Variants in VPS8 observed in about 807,000 individuals in gnomAD.
The protein encoded by VPS8 is vacuolar protein sorting-associated protein 8 homolog.
Under a neutral mutation model 216.4 loss-of-function variants are expected in VPS8, and 129 were observed. That is an observed-to-expected ratio of 0.60 (90% confidence interval 0.52 to 0.69). VPS8 has a LOEUF of 0.69. Among genes scored for constraint, VPS8 ranks in the 30% least tolerant of loss-of-function variants. The pLI, the probability that VPS8 is intolerant of heterozygous loss-of-function variation, is 0.00. For missense variants in VPS8, 1,531 were observed against 1,683.5 expected, an observed-to-expected ratio of 0.91 and a Z score of 1.59; for synonymous variants, 571 against 565.4, an observed-to-expected ratio of 1.01 and a Z score of -0.14.
At chr3:185,024,188 A>C in intron 45 of VPS8, 148 bp from the exon 46 acceptor site, 1 of 727,456 alleles carries the variant, frequency 1.4e-6, no homozygotes, top group Non-Finnish European at 2.1e-6. Flanking sequence ...AGGGGACTTA[A>C]CACAAAATCT....
chr3:185,014,299 C>T (rs1316774883), intron 45 of VPS8, among the ~76,000 whole-genome samples: 2 of 152,056 alleles, frequency 1.3e-5, no homozygotes, highest in African/African-American at 2.4e-5. Flanking sequence ...TGGCTGTGTT[C>T]GACGGGTGTT....
chr3:185,051,743 A>G lies in VPS8; in HGVS notation c.4138-133A>G, dbSNP rs1336851355. ...CTGCTCGTTTGTGATATATGGACCT[A>G]AGATTCAAACCCTGCATGTTACTAC... is the stretch of plus-strand genomic sequence containing the variant. On this transcript the variant is annotated intron_variant, in intron 47 of 47. Coordinates refer to ENST00000625842, the MANE Select transcript of VPS8 (RefSeq NM_001009921.3). 3 of 1,137,750 alleles carry G rather than the reference A, an allele frequency of 2.6e-6. No homozygotes were observed. In the African/African-American group the frequency reaches 4.8e-5, roughly 18 times the overall value. 70.5% of individuals were successfully genotyped at this position (1,137,750 alleles called of 1,614,324 possible).
intron 10 of VPS8, among the ~76,000 whole-genome samples, chr3:184,852,196 T>C (rs1577899734): frequency 6.6e-6 from 1 of 152,294 alleles, no homozygotes; most frequent in African/African-American, 2.4e-5. Flanking sequence ...CAAAAAGTTA[T>C]TGTAAGAACC....
intron 3 of VPS8, among the ~76,000 whole-genome samples, chr3:184,827,051 A>G (rs752547551): frequency 1.3e-5 from 2 of 152,214 alleles, no homozygotes; most frequent in African/African-American, 2.4e-5. Flanking sequence ...AATTTGAGAA[A>G]GATCTTGCAA....
chr3:185,014,599 T>G (rs981265398), intron 45 of VPS8, among the ~76,000 whole-genome samples: 2 of 152,262 alleles, frequency 1.3e-5, no homozygotes, highest in Non-Finnish European at 2.9e-5. Flanking sequence ...GCTGTTCAGC[T>G]GCTGATAGCA....
At chr3:184,913,893 G>A (rs1363933635) in intron 26 of VPS8, among the ~76,000 whole-genome samples, 1 of 152,218 alleles carries the variant, frequency 6.6e-6, no homozygotes, top group Non-Finnish European at 1.5e-5. Flanking sequence ...CAGTAGGGCT[G>A]AGGTTGAGAA....
intron 37 of VPS8, among the ~76,000 whole-genome samples, chr3:184,961,198 CTT>C (rs919863794): frequency 4.8e-4 from 73 of 152,134 alleles, no homozygotes; most frequent in African/African-American, 1.3e-3. Flanking sequence ...CTTATTTTCT[CTT>C]GTTTCTAAAT....
chr3:184,976,667 A>G (rs1749317294), intron 40 of VPS8, among the ~76,000 whole-genome samples: 1 of 151,894 alleles, frequency 6.6e-6, no homozygotes, highest in African/African-American at 2.4e-5. Flanking sequence ...CATTTTTATG[A>G]CCATATGCCC....
chr3:185,039,528 G>GGT (rs1553913169), intron 46 of VPS8, among the ~76,000 whole-genome samples: 2 of 146,876 alleles, frequency 1.4e-5, no homozygotes, highest in African/African-American at 5.0e-5. Context: ...ACACTGTGGG[G>GGT]TTTTTTTTTT....
chr3:184,863,287 G>A (rs1469688057), intron 16 of VPS8, among the ~76,000 whole-genome samples: 4 of 152,080 alleles, frequency 2.6e-5, no homozygotes, highest in Non-Finnish European at 5.9e-5. Context: ...TCAGAAATGT[G>A]ACTTATTTTA....
At chr3:184,977,649 AG>A (rs1247725736) in intron 40 of VPS8, among the ~76,000 whole-genome samples, 3 of 151,292 alleles carry the variant, frequency 2.0e-5, no homozygotes, top group African/African-American at 7.3e-5. Flanking sequence ...ATAGTTCCCT[AG>A]TTTCATTCTT....
chr3:185,004,533 CTTT>C (rs61115578), intron 45 of VPS8, among the ~76,000 whole-genome samples: 134,873 of 151,932 alleles, frequency 0.89, 61,276 homozygotes, highest in Non-Finnish European at 0.98. Context: ...AGGGAGAGCT[CTTT>C]TTTATTTTTT....
chr3:184,882,426 G>C (rs111765540), intron 21 of VPS8: 22 of 452,352 alleles, frequency 4.9e-5, no homozygotes, highest in African/African-American at 3.6e-4. Context: ...ACCTCACTTG[G>C]TCATGAGGTA....
chr3:185,001,514 G>T (rs544330652), intron 45 of VPS8, among the ~76,000 whole-genome samples: 1 of 152,182 alleles, frequency 6.6e-6, no homozygotes, highest in African/African-American at 2.4e-5. Context: ...GAGATTCCAT[G>T]CCCTTTCTGG....
At position 184,939,870 on chromosome 3, in the gene VPS8, A is replaced by G. The variant is rs575719395; in HGVS notation, c.2989-327A>G. On this transcript the variant is annotated intron_variant, in intron 35 of 47. Transcript: ENST00000625842. ...AGTGCATCCAGAGCTCAGCATCCAC[A>G]GAGCAGTTCCAAGCACCTGCCACTC... 3.7e-4 allele frequency among the ~76,000 whole-genome samples: 56 copies of G among 152,252 alleles called. 1 individual carries two copies. The highest frequency in any genetic ancestry group is 1.1e-3 in the African/African-American group (47 of 41,542).
chr3:184,877,917 AGT>A (rs1417344518), intron 21 of VPS8, among the ~76,000 whole-genome samples: 1 of 152,198 alleles, frequency 6.6e-6, no homozygotes, highest in African/African-American at 2.4e-5. Context: ...AGTTGCTAGC[AGT>A]GTTTTCAAAC....
intron 39 of VPS8, among the ~76,000 whole-genome samples, chr3:184,970,603 A>G (rs1429576312): frequency 1.3e-5 from 2 of 152,206 alleles, no homozygotes; most frequent in African/African-American, 4.8e-5. Flanking sequence ...TCAGCGAGTA[A>G]AAAAGAATAG....
At chr3:185,011,462 A>C (rs1206200195) in intron 45 of VPS8, among the ~76,000 whole-genome samples, 1 of 152,238 alleles carries the variant, frequency 6.6e-6, no homozygotes, top group Non-Finnish European at 1.5e-5. Flanking sequence ...TTGAGGGAGA[A>C]AATCTCAGAA....
chr3:185,041,070 T>C (rs557269594), intron 46 of VPS8, among the ~76,000 whole-genome samples: 3 of 152,214 alleles, frequency 2.0e-5, no homozygotes, highest in South Asian at 4.2e-4. Flanking sequence ...CTGGGCATGG[T>C]GGTACGCATC....
Sources: allele counts gnomAD v4.1 joint callset (sites outside exome capture counted in the v4.1 genomes callset), GRCh38; gene constraint gnomAD v4.1.1; transcripts MANE v1.5; gene names NCBI Gene and HGNC (gene_info 2026-07-23, HGNC 2026-07-21).